FBN2: variants seen among roughly 807,000 people sequenced by gnomAD.
The protein encoded by FBN2 is fibrillin-2.
In FBN2, 105 loss-of-function variants were observed where a neutral mutation model predicts 355.6. The ratio of observed to expected loss-of-function variants is 0.30; its 90% CI spans 0.25 to 0.35. The LOEUF (loss-of-function observed/expected upper bound fraction) is 0.35, where lower values mean the gene tolerates loss of function less well. FBN2 is among the 10% of genes least tolerant of loss of function. The pLI is 1.00. For missense variants in FBN2, 3,280 were observed against 3,758.7 expected (o/e 0.87, Z 3.33); for synonymous variants, 1,350 against 1,301.2 (o/e 1.04, Z -0.81).
At chr5:128,535,088 G>T (rs1300739514) in intron 2 of FBN2, among the ~76,000 whole-genome samples, 2 of 152,156 alleles carry the variant, frequency 1.3e-5, no homozygotes, top group African/African-American at 4.8e-5. Context: ...GGAGAGAAAA[G>T]AATGCAGAAC....
intron 5 of FBN2, among the ~76,000 whole-genome samples, chr5:128,487,650 T>G (rs1561481263): frequency 6.6e-6 from 1 of 151,976 alleles, no homozygotes; most frequent in Non-Finnish European, 1.5e-5. Context: ...AGATGAGAGC[T>G]TCTTAGTAAA....
intron 7 of FBN2, among the ~76,000 whole-genome samples, chr5:128,412,815 GA>G (rs1753106220): frequency 6.6e-6 from 1 of 152,176 alleles, no homozygotes; most frequent in African/African-American, 2.4e-5. Flanking sequence ...CAATATTTTA[GA>G]AAGATAGTCC....
chr5:128,285,817 C>T (rs962368462), intron 55 of FBN2, among the ~76,000 whole-genome samples: 12 of 152,256 alleles, frequency 7.9e-5, no homozygotes, highest in Non-Finnish European at 2.9e-5. Flanking sequence ...ATATAAAATT[C>T]AGCTAGTTAT....
chr5:128,277,740 A>G (rs1220597825), intron 58 of FBN2, 140 bp downstream of exon 58: 1 of 976,516 alleles, frequency 1.0e-6, no homozygotes, highest in Non-Finnish European at 1.6e-6. Context: ...GAAGCACATT[A>G]TTGAGAGGAT....
At chr5:128,312,510 G>T in intron 37 of FBN2, 124 bp downstream of exon 37, 1 of 986,062 alleles carries the variant, frequency 1.0e-6, no homozygotes, top group Non-Finnish European at 1.6e-6. Context: ...ACTGAAAGTA[G>T]TTCAAATTCA....
chr5:128,267,904 C>A (rs6889604), intron 62 of FBN2, among the ~76,000 whole-genome samples: 382 of 152,258 alleles, frequency 2.5e-3, no homozygotes, highest in African/African-American at 8.9e-3. Flanking sequence ...AAATTTATAG[C>A]GCTAAATGCC....
chr5:128,363,130 T>C (rs1751680057), intron 18 of FBN2, among the ~76,000 whole-genome samples: 1 of 152,174 alleles, frequency 6.6e-6, no homozygotes, highest in South Asian at 2.1e-4. Context: ...AAATTGTGAC[T>C]GCATCACAAT....
intron 12 of FBN2, among the ~76,000 whole-genome samples, chr5:128,378,442 G>C (rs538601375): frequency 6.6e-6 from 1 of 151,996 alleles, no homozygotes. Context: ...ACTATGTGTG[G>C]GATTCAAAGA....
At chr5:128,475,280 C>G (rs1754980130) in intron 5 of FBN2, among the ~76,000 whole-genome samples, 1 of 152,150 alleles carries the variant, frequency 6.6e-6, no homozygotes, top group East Asian at 1.9e-4. Flanking sequence ...GTGTTATTGT[C>G]AGGGAAACCC....
intron 8 of FBN2, among the ~76,000 whole-genome samples, chr5:128,400,538 C>A (rs1457455777): frequency 2.0e-5 from 3 of 152,106 alleles, no homozygotes; most frequent in Non-Finnish European, 4.4e-5. Context: ...TATCTACAAT[C>A]TGGCACCCAT....
At chr5:128,479,966 CTCTCTCTCTCTATATATA>C (rs1323106000) in intron 5 of FBN2, among the ~76,000 whole-genome samples, 8 of 31,582 alleles carry the variant, frequency 2.5e-4, no homozygotes, top group Non-Finnish European at 4.0e-4. Context: ...CTCTCTCTCT[CTCTCTCTCTCTATATATA>C]TATATATATA....
chr5:128,370,724 C>A (rs1309378223), intron 15 of FBN2, among the ~76,000 whole-genome samples: 1 of 152,010 alleles, frequency 6.6e-6, no homozygotes, highest in Non-Finnish European at 1.5e-5. Context: ...GGGTTTAGAG[C>A]ATATGCCATG....
rs1339393350 is a variant in FBN2 at position 128,261,786 on chromosome 5, T to C, written c.8314A>G (p.Lys2772Glu). Residue 2772 changes from lysine (K) to glutamate (E), a missense_variant, in exon 64 of 65, where the codon AAG becomes GAG. By Grantham distance (56) the Lys-to-Glu change is moderately conservative (BLOSUM62 1). Around this residue, in one of 6 missense-constraint regions of FBN2, gnomAD observed 311 missense variants for 319.1 expected, o/e 0.97. Transcript: ENST00000262464. ...CYECKINGYS[K>E]KDSRQKRSIH... The stretch of plus-strand genomic sequence containing the variant: ...CTTCTCTTCTGCCTGCTGTCTTTCT[T>C]AGAATAGCCGTTGATTTTGCACTCG... 2 of 1,614,208 alleles carry C rather than the reference T, an allele frequency of 1.2e-6. No individual in the cohort carries two copies. Among genetic ancestry groups the C allele is most frequent in the Non-Finnish European group, 1.7e-6 (2 of 1,180,018 alleles).
chr5:128,330,432 A>G, intron 33 of FBN2, 141 bp downstream of exon 33: 1 of 818,346 alleles, frequency 1.2e-6, no homozygotes, highest in Non-Finnish European at 2.0e-6. Flanking sequence ...TAAGAGAAAG[A>G]TACATAGTCA....
intron 27 of FBN2, 30 bp downstream of exon 27, chr5:128,337,967 C>T: frequency 6.2e-7 from 1 of 1,612,714 alleles, no homozygotes; most frequent in East Asian, 2.2e-5. Flanking sequence ...TTGTGCTGGG[C>T]AGGTTTATGT....
intron 15 of FBN2, among the ~76,000 whole-genome samples, chr5:128,372,689 A>G (rs1406591414): frequency 1.3e-5 from 2 of 152,094 alleles, no homozygotes; most frequent in Non-Finnish European, 2.9e-5. Context: ...ACAGGATTTC[A>G]CCATGGAGCC....
intron 5 of FBN2, among the ~76,000 whole-genome samples, chr5:128,475,121 C>A (rs751835996): frequency 6.6e-6 from 1 of 152,088 alleles, no homozygotes; most frequent in Non-Finnish European, 1.5e-5. Flanking sequence ...GGAATTAGAA[C>A]CTTATACCAT....
chr5:128,303,948 T>G (rs1248907343), intron 45 of FBN2, among the ~76,000 whole-genome samples: 2 of 152,148 alleles, frequency 1.3e-5, no homozygotes, highest in African/African-American at 4.8e-5. Context: ...TTCCTTTGTA[T>G]AAACATCACC....
intron 62 of FBN2, among the ~76,000 whole-genome samples, chr5:128,270,365 TA>T (rs1309156609): frequency 6.6e-6 from 1 of 151,980 alleles, no homozygotes; most frequent in African/African-American, 2.4e-5. Flanking sequence ...CCGTTTCTAC[TA>T]AAAATACAAA....
Sources: gnomAD v4.1 joint callset for allele counts (sites outside exome capture counted in the v4.1 genomes callset) on GRCh38, gnomAD v4.1.1 for gene constraint, gnomAD v4.1.1 regional missense constraint, MANE v1.5 for transcripts, NCBI Gene and HGNC (gene_info 2026-07-23, HGNC 2026-07-21) for gene names.